The following LUC7L2 variants were observed in gnomAD, a reference collection of about 807,000 sequenced individuals.
LUC7L2 encodes LUC7 like 2, pre-mRNA splicing factor.
Under a neutral mutation model 52.8 loss-of-function variants are expected in LUC7L2, and 25 were observed. The ratio of observed to expected loss-of-function variants is 0.47; its 90% CI spans 0.34 to 0.66. The LOEUF is 0.66. Among genes scored for constraint, LUC7L2 ranks in the 30% least tolerant of loss-of-function variants. The pLI, the probability that LUC7L2 is intolerant of heterozygous loss-of-function variation, is 0.01. For missense variants in LUC7L2, 328 were observed against 497.8 expected, an observed-to-expected ratio of 0.66 and a Z score of 3.25; for synonymous variants, 144 against 160.9, an observed-to-expected ratio of 0.89 and a Z score of 0.80.
At position 139,423,120 on chromosome 7, in the gene LUC7L2, A is replaced by AAAT. The variant is rs747878107; in HGVS notation, c.*792_*794dup. On this transcript the variant is annotated 3_prime_UTR_variant, in exon 10 of 10. Transcript: ENST00000354926. ...TAAAGGCTACACCCTTATTGTAAAA[A>AAAT]AATAATAATAATAAAATGAAAGAAA... 3 of 398,884 alleles carry AAAT rather than the reference A, an allele frequency of 7.5e-6. No individual in the cohort carries two copies. The East Asian group carries it at 1.1e-4, about 14-fold the overall frequency. The allele number at this position is 398,884 out of a possible 1,614,324, so 24.7% of individuals were successfully genotyped here.
At chr7:139,343,122 G>C (rs1799083766) in intron 1 of LUC7L2, among the ~76,000 whole-genome samples, 3 of 152,078 alleles carry the variant, frequency 2.0e-5, no homozygotes. Flanking sequence ...TCATGATTCA[G>C]GCTCAACCGA....
chr7:139,394,182 G>A (rs1247932930), intron 2 of LUC7L2, among the ~76,000 whole-genome samples: 1 of 152,300 alleles, frequency 6.6e-6, no homozygotes, highest in East Asian at 1.9e-4. Context: ...GTTTTGTCCT[G>A]GAATTCATCT....
At chr7:139,366,415 C>T (rs1219018265) in intron 1 of LUC7L2, among the ~76,000 whole-genome samples, 1 of 152,094 alleles carries the variant, frequency 6.6e-6, no homozygotes, top group African/African-American at 2.4e-5. Flanking sequence ...TATAATATAC[C>T]TGGCTGTTCT....
In LUC7L2 at chr7:139,384,355, T is replaced by C. The variant is rs138090909; in HGVS notation, c.156+8199T>C. Among the ~76,000 whole-genome samples, 1,046 of 151,674 alleles carry C rather than the reference T, an allele frequency of 6.9e-3. 9 individuals are homozygous for C. Among genetic ancestry groups the C allele is most frequent in the Non-Finnish European group, 0.01 (700 of 67,826 alleles). On this transcript the variant is annotated intron_variant, in intron 2 of 9. Transcript: ENST00000354926. ...ATCGTGGCTCACTGCAACCTCTGCCTCTCGGGTTCAACCGATTCTCCTGCC... is the reference window on the plus strand; with the variant it reads ...ATCGTGGCTCACTGCAACCTCTGCCCCTCGGGTTCAACCGATTCTCCTGCC...
At chr7:139,347,455 C>T (rs1216056651) in intron 1 of LUC7L2, among the ~76,000 whole-genome samples, 15 of 151,942 alleles carry the variant, frequency 9.9e-5, no homozygotes, top group Non-Finnish European at 2.1e-4. Context: ...GGCATGGTGG[C>T]GCATGCCTGT....
chr7:139,354,569 C>T (rs897228255), intron 1 of LUC7L2, among the ~76,000 whole-genome samples: 2 of 152,114 alleles, frequency 1.3e-5, no homozygotes, highest in African/African-American at 4.8e-5. Context: ...GCCATGTTGG[C>T]CAGGCTGGTC....
chr7:139,353,046 A>C (rs1480986875), intron 1 of LUC7L2, among the ~76,000 whole-genome samples: 3 of 152,050 alleles, frequency 2.0e-5, no homozygotes, highest in Non-Finnish European at 2.9e-5. Flanking sequence ...AAAAATACAA[A>C]AATTAGCTGG....
Position 139,341,480 on chromosome 7 carries a change from C to T in LUC7L2, c.-26+963C>T, listed in dbSNP as rs763234210. The stretch of plus-strand genomic sequence containing the variant: ...CCACCGGCCGACCCTATCGCGACAC[C>T]GCGGCCTATCGGTACCTTGTGAAGG... On this transcript the variant is annotated intron_variant, in intron 1 of 10. Transcript: ENST00000541170. The T allele has an allele frequency of 1.9e-5, 31 of 1,613,670 alleles. No homozygotes were observed. The South Asian group carries it at 3.4e-4, about 18-fold the overall frequency.
At chr7:139,350,560 CCTT>C (rs1487427181) in intron 1 of LUC7L2, among the ~76,000 whole-genome samples, 2 of 152,210 alleles carry the variant, frequency 1.3e-5, no homozygotes, top group African/African-American at 4.8e-5. Context: ...GTACAGATGA[CCTT>C]CAGGACACCA....
upstream of LUC7L2, among the ~76,000 whole-genome samples, chr7:139,358,156 G>A (rs1165353587): frequency 7.9e-5 from 12 of 151,684 alleles, no homozygotes; most frequent in South Asian, 2.1e-4. Flanking sequence ...ACAGGCACGC[G>A]CATCCATGCC....
At chr7:139,351,875 G>A (rs1799468240) in intron 1 of LUC7L2, among the ~76,000 whole-genome samples, 1 of 152,200 alleles carries the variant, frequency 6.6e-6, no homozygotes, top group African/African-American at 2.4e-5. Flanking sequence ...CTACATGGGT[G>A]ATACTGCCTT....
At chr7:139,354,811 A>T (rs1328578910) in intron 1 of LUC7L2, among the ~76,000 whole-genome samples, 5 of 149,812 alleles carry the variant, frequency 3.3e-5, no homozygotes, top group African/African-American at 1.3e-4. Context: ...CCTGAAATTC[A>T]ATCCCAAAAG....
At chr7:139,374,877 C>T in intron 1 of LUC7L2, 1 of 995,200 alleles carries the variant, frequency 1.0e-6, no homozygotes, top group Non-Finnish European at 1.2e-6. Context: ...TTGTTATTTA[C>T]ATGTGAAAAT....
intron 6 of LUC7L2, among the ~76,000 whole-genome samples, chr7:139,408,190 A>T (rs1188109020): frequency 6.6e-6 from 1 of 152,224 alleles, no homozygotes; most frequent in East Asian, 1.9e-4. Flanking sequence ...CTCAGGTAAC[A>T]GTGGGCTCTT....
chr7:139,341,250 G>A, intron 1 of LUC7L2: 2 of 1,427,162 alleles, frequency 1.4e-6, no homozygotes, highest in South Asian at 1.4e-5. Context: ...GGACAAGTGA[G>A]CGGTTCCACT....
At chr7:139,400,944 T>C (rs1012244404) in intron 3 of LUC7L2, among the ~76,000 whole-genome samples, 13 of 152,380 alleles carry the variant, frequency 8.5e-5, no homozygotes, top group Non-Finnish European at 1.5e-5. Flanking sequence ...ATTTTTGGAA[T>C]TCAATGTGTG....
intron 9 of LUC7L2, among the ~76,000 whole-genome samples, chr7:139,419,009 G>A (rs1037634274): frequency 2.0e-5 from 3 of 152,220 alleles, no homozygotes; most frequent in Non-Finnish European, 1.5e-5. Context: ...TACTCAGGAG[G>A]CTGAGGAAGG....
intron 1 of LUC7L2, among the ~76,000 whole-genome samples, chr7:139,364,767 T>C (rs1355202838): frequency 2.0e-5 from 3 of 152,236 alleles, no homozygotes; most frequent in Non-Finnish European, 4.4e-5. Flanking sequence ...AAGTAGTGCG[T>C]TCTTTAATGG....
chr7:139,390,169 G>T (rs905211510), intron 2 of LUC7L2, among the ~76,000 whole-genome samples: 1 of 151,984 alleles, frequency 6.6e-6, no homozygotes, highest in Non-Finnish European at 1.5e-5. Context: ...GGATCAAATG[G>T]ATAATACGAG....
Sources: allele counts gnomAD v4.1 joint callset (sites outside exome capture counted in the v4.1 genomes callset), GRCh38; gene constraint gnomAD v4.1.1; transcripts MANE v1.5; gene names NCBI Gene and HGNC (gene_info 2026-07-23, HGNC 2026-07-21).